The following MBD4 variants were observed in gnomAD, a reference collection of about 807,000 sequenced individuals.
MBD4 encodes the protein methyl-CpG binding domain 4, DNA glycosylase.
A neutral mutation model predicts 60.2 loss-of-function variants in MBD4; 53 were observed. The ratio of observed to expected loss-of-function variants is 0.88; its 90% CI spans 0.71 to 1.11. The LOEUF (loss-of-function observed/expected upper bound fraction) is 1.11, where lower values mean the gene tolerates loss of function less well. MBD4 is among the 50% of genes least tolerant of loss of function. MBD4 has a pLI of 0.00. For missense variants in MBD4, 619 were observed against 674.0 expected (o/e 0.92, Z 0.90); for synonymous variants, 231 against 229.8 (o/e 1.01, Z -0.05).
rs369741977 is a variant in MBD4, at chr3:129,431,372, GC to G, written c.*128del. The G allele has an allele frequency of 5.3e-6, 4 of 748,774 alleles. No homozygotes were observed. Among genetic ancestry groups the G allele is most frequent in the African/African-American group, 1.7e-5 (1 of 57,722 alleles). 46.4% of individuals were successfully genotyped at this position (748,774 alleles called of 1,614,324 possible). On this transcript the variant is annotated 3_prime_UTR_variant, in exon 8 of 8. Transcript: ENST00000429544. ...CACCATTGGCACACACATTAAGAAAGCACACACACTAGGCTTCTAGTTGGGC... is the reference window on the plus strand; with the variant it reads ...CACCATTGGCACACACATTAAGAAAGACACACACTAGGCTTCTAGTTGGGC...
intron 7 of MBD4, 24 bp from the exon 8 acceptor site, chr3:129,431,602 G>A: frequency 6.6e-7 from 1 of 1,513,588 alleles, no homozygotes. Context: ...AAGATACAGA[G>A]GCAGAGACCT....
chr3:129,433,165 A>C lies in MBD4; in HGVS notation c.1476T>G (p.Asp492Glu). ...AEVARTADWR[D>E]VSELLKPLGL... is the part of the protein sequence containing the mutation. ...CAAGAGGTTTAAGAAGTTCTGACAC[A>C]TCTCTCCAGTCTGCGGTTCTTGCTA... The change falls in exon 6 of 8, where the codon GAT becomes GAG. Residue 492 changes from aspartate to glutamate, a missense_variant. Physicochemically the swap from Asp to Glu is conservative, Grantham distance 45 (BLOSUM62 2). Coordinates refer to ENST00000429544, the MANE Select transcript of MBD4 (RefSeq NM_001276270.2). 2 of 1,614,210 alleles carry C rather than the reference A, an allele frequency of 1.2e-6. No homozygotes were observed. Among genetic ancestry groups the C allele is most frequent in the Non-Finnish European group, 1.7e-6 (2 of 1,180,030 alleles).
intron 6 of MBD4, 22 bp from the exon 7 acceptor site, chr3:129,432,628 A>G (rs1198553785): frequency 6.2e-7 from 1 of 1,611,722 alleles, no homozygotes; most frequent in South Asian, 1.1e-5. Context: ...AACATCCCAC[A>G]TTATCAGGTC....
chr3:129,438,116 C>T (rs1302809311), intron 1 of MBD4, among the ~76,000 whole-genome samples, 166 bp from the exon 2 acceptor site: 1 of 152,194 alleles, frequency 6.6e-6, no homozygotes, highest in African/African-American at 2.4e-5. Flanking sequence ...ATTTTCCTGT[C>T]TTCCAAAAGC....
Position 129,433,859 on chromosome 3 carries a change from G to T in MBD4, c.1384C>A (p.Arg462=). 1 of 1,614,104 alleles carries T rather than the reference G, an allele frequency of 6.2e-7. No homozygotes were observed. The highest frequency in any genetic ancestry group is 2.2e-5 in the East Asian group (1 of 44,874). Reference sequence around the variant, plus strand: ...ATAATAATCCCCAAACCTGAGGTCCGATTGAGAAATATAGTAGCGATGAGA... The same window carrying T: ...ATAATAATCCCCAAACCTGAGGTCCTATTGAGAAATATAGTAGCGATGAGA... ...KLLIATIFLN[R]TSGKMAIPVL... is the part of the protein sequence containing the mutation. Residue 462 remains arginine, a synonymous_variant, in exon 5 of 8, where the codon CGG becomes AGG. Coordinates refer to ENST00000429544, the MANE Select transcript of MBD4 (RefSeq NM_001276270.2).
Position 129,439,912 on chromosome 3 carries a change from TC to T in MBD4, c.-80del. 5.9e-6 allele frequency: 6 copies of T among 1,021,896 alleles called. No individual in the cohort carries two copies. Among genetic ancestry groups the T allele is most frequent in the East Asian group, 2.5e-5 (1 of 40,178 alleles). The allele number at this position is 1,021,896 out of a possible 1,614,324, so 63.3% of individuals were successfully genotyped here. On this transcript the variant is annotated 5_prime_UTR_variant, in exon 1 of 8. Transcript: ENST00000429544. ...GGGCGGAGTAAGATGTGAAACCTCTTCAGCTCACGGCACCGGGCTGCAACCG... is the reference window on the plus strand; with the variant it reads ...GGGCGGAGTAAGATGTGAAACCTCTTAGCTCACGGCACCGGGCTGCAACCG...
At chr3:129,435,807 TATAA>T (rs2072447414) in intron 3 of MBD4, among the ~76,000 whole-genome samples, 1 of 152,210 alleles carries the variant, frequency 6.6e-6, no homozygotes, top group Non-Finnish European at 1.5e-5. Flanking sequence ...ACTGAGGTAT[TATAA>T]AGACAAAACT....
rs141111178 is a variant in MBD4, at chr3:129,439,080, G to A, written c.104+650C>T. Among the ~76,000 whole-genome samples, 238 of 152,336 alleles carry A rather than the reference G, an allele frequency of 1.6e-3. No homozygotes were observed. The East Asian group carries it at 0.028, about 18-fold the overall frequency. On this transcript the variant is annotated intron_variant, in intron 1 of 7. Coordinates refer to ENST00000429544, the MANE Select transcript of MBD4 (RefSeq NM_001276270.2). ...ATTGTAAAAGGTGGATGGGTCTAGA[G>A]AGATCATTTAACCCAAGTTCTTTTC...
Position 129,434,070 on chromosome 3 carries a change from T to C in MBD4, c.1250A>G (p.Asn417Ser), listed in dbSNP as rs759011196. The C allele has an allele frequency of 1.2e-6, 2 of 1,614,016 alleles. No individual in the cohort carries two copies. The highest frequency in any genetic ancestry group is 1.7e-6 in the Non-Finnish European group (2 of 1,179,984). The part of the protein sequence containing the change: ...KTSLYFSSKY[N>S]KEALSPPRRK... ...GATTGGGAAAGGGATACCTTCTTTG[T>C]TATATTTGCTGGAAAAATACAGGCT... The change falls in exon 4 of 8, where the codon AAC (asparagine) becomes AGC (serine). Residue 417 changes from asparagine to serine, a missense_variant. Asn to Ser is a conservative substitution (Grantham distance 46). Coordinates refer to ENST00000429544, the MANE Select transcript of MBD4 (RefSeq NM_001276270.2).
At chr3:129,433,532 T>C (rs939295348) in intron 5 of MBD4, 2 of 584,696 alleles carry the variant, frequency 3.4e-6, no homozygotes, top group Non-Finnish European at 6.0e-6. Context: ...TAGAAGCATA[T>C]AGAACACAAG....
intron 7 of MBD4, 157 bp downstream of exon 7, chr3:129,432,346 C>T: frequency 6.5e-7 from 1 of 1,530,616 alleles, no homozygotes; most frequent in South Asian, 1.2e-5. Flanking sequence ...ATCAAAAACC[C>T]CAAAACCCAC....
At chr3:129,435,540 T>C (rs533741049) in intron 3 of MBD4, among the ~76,000 whole-genome samples, 6 of 152,326 alleles carry the variant, frequency 3.9e-5, no homozygotes, top group African/African-American at 1.2e-4. Flanking sequence ...AGAATTCTTA[T>C]GCAGTTCCTA....
In MBD4 at chr3:129,439,453, C is replaced by T. The variant is rs983897014; in HGVS notation, c.104+277G>A. On this transcript the variant is annotated intron_variant, in intron 1 of 7. Coordinates refer to ENST00000429544, the MANE Select transcript of MBD4 (RefSeq NM_001276270.2). ...TCCTATCACACACGTAGTCTAATGA[C>T]TTCCTAGGATCCTCCAACCCCAAGG... is the stretch of plus-strand genomic sequence containing the variant. Among the ~76,000 whole-genome samples the T allele has an allele frequency of 6.6e-5, 10 of 152,100 alleles. No individual in the cohort carries two copies. The East Asian group carries it at 1.3e-3, about 20-fold the overall frequency.
rs1182377337 is a variant in MBD4 at position 129,437,929 on chromosome 3, T to C, written c.126A>G (p.Glu42=). The C allele has an allele frequency of 6.2e-7, 1 of 1,611,094 alleles. No individual in the cohort carries two copies. The highest frequency in any genetic ancestry group is 1.7e-5 in the Admixed American group (1 of 60,022). Residue 42 remains glutamate, a synonymous_variant, in exon 2 of 8, where the codon GAA becomes GAG. Coordinates refer to ENST00000429544, the MANE Select transcript of MBD4 (RefSeq NM_001276270.2). ...NDLRKEDVAM[E]LERVGEDEEQ... is the part of the protein sequence containing the mutation. Reference sequence around the variant, plus strand: ...CCTCATCTTCTCCCACTCTTTCCAATTCCATAGCAACATCTTCTTTGCTGG... The same window carrying C: ...CCTCATCTTCTCCCACTCTTTCCAACTCCATAGCAACATCTTCTTTGCTGG...
At chr3:129,438,080 G>A in intron 1 of MBD4, 130 bp from the exon 2 acceptor site, 1 of 660,130 alleles carries the variant, frequency 1.5e-6, no homozygotes, top group East Asian at 2.6e-5. Context: ...TAAAGTCAGT[G>A]TGGACCAGTC....
At position 129,433,166 on chromosome 3, in the gene MBD4, T is replaced by C; in HGVS notation, c.1475A>G (p.Asp492Gly). The change falls in exon 6 of 8, where the codon GAT becomes GGT. Residue 492 changes from aspartate (D) to glycine (G), a missense_variant. Physicochemically the swap from Asp to Gly is moderately conservative, Grantham distance 94. Coordinates refer to ENST00000429544, the MANE Select transcript of MBD4 (RefSeq NM_001276270.2). ...AAGAGGTTTAAGAAGTTCTGACACA[T>C]CTCTCCAGTCTGCGGTTCTTGCTAC... ...AEVARTADWRDVSELLKPLGL... is the reference protein window; with the variant it reads ...AEVARTADWRGVSELLKPLGL... The C allele has an allele frequency of 6.2e-7, 1 of 1,614,172 alleles. No homozygotes were observed. Among genetic ancestry groups the C allele is most frequent in the Non-Finnish European group, 8.5e-7 (1 of 1,180,016 alleles).
At chr3:129,434,718 G>T (rs928548533) in intron 3 of MBD4, among the ~76,000 whole-genome samples, 2 of 152,138 alleles carry the variant, frequency 1.3e-5, no homozygotes, top group African/African-American at 4.8e-5. Flanking sequence ...GTTGCCAAGT[G>T]CTAATTTTTC....
chr3:129,436,705 T>G lies in MBD4; in HGVS notation c.939A>C (p.Lys313Asn). The G allele has an allele frequency of 7.2e-7, 1 of 1,388,192 alleles. No homozygotes were observed. Among genetic ancestry groups the G allele is most frequent in the South Asian group, 1.3e-5 (1 of 74,218 alleles). 86.0% of individuals were successfully genotyped at this position (1,388,192 alleles called of 1,614,324 possible). A position where few individuals can be genotyped will look rare whatever the true frequency, so the allele number is the denominator to read the frequency against. ...TTGATCCTGAACTCAATGATCTTTC[T>G]TTTTTTTTTACAAGGCTGTTTTCTT... ...TSEENSLVKKKERSLSSGSNF... is the reference protein window; with the variant it reads ...TSEENSLVKKNERSLSSGSNF... Residue 313 changes from lysine (K) to asparagine (N), a missense_variant, in exon 3 of 8, where the codon AAA (lysine) becomes AAC (asparagine). By Grantham distance (94) the Lys-to-Asn change is moderately conservative. Coordinates refer to ENST00000429544, the MANE Select transcript of MBD4 (RefSeq NM_001276270.2).
Position 129,436,627 on chromosome 3 carries a change from G to C in MBD4, c.1017C>G (p.Ala339=). 1 of 1,613,954 alleles carries C rather than the reference G, an allele frequency of 6.2e-7. No homozygotes were observed. Among genetic ancestry groups the C allele is most frequent in the Non-Finnish European group, 8.5e-7 (1 of 1,179,944 alleles). ...ACTTCTCGTTGTGTTCTGAGTCTTTGGCTGAACAAAATTTGTTTATGATGC... is the reference window on the plus strand; with the variant it reads ...ACTTCTCGTTGTGTTCTGAGTCTTTCGCTGAACAAAATTTGTTTATGATGC... ...TSGIINKFCS[A]KDSEHNEKYE... Residue 339 remains alanine, a synonymous_variant, in exon 3 of 8, where the codon GCC becomes GCG. Coordinates refer to ENST00000429544, the MANE Select transcript of MBD4 (RefSeq NM_001276270.2).
Sources: gnomAD v4.1 joint callset for allele counts (sites outside exome capture counted in the v4.1 genomes callset) on GRCh38, gnomAD v4.1.1 for gene constraint, MANE v1.5 for transcripts, NCBI Gene and HGNC (gene_info 2026-07-23, HGNC 2026-07-21) for gene names.